THSD4: variants seen among roughly 807,000 people sequenced by gnomAD.
THSD4 encodes the protein thrombospondin type 1 domain containing 4.
Under a neutral mutation model 119.0 loss-of-function variants are expected in THSD4, and 69 were observed. The ratio of observed to expected loss-of-function variants is 0.58; its 90% CI spans 0.48 to 0.71. The LOEUF is 0.71. Ranked by LOEUF, THSD4 falls within the 30% of genes least tolerant of loss-of-function variation. The probability of loss-of-function intolerance (pLI) is 0.00; values close to 1 mark genes in which losing one functional copy is unlikely to be tolerated. For synonymous variants in THSD4, 524 were observed against 540.4 expected (o/e 0.97, Z 0.42); for missense variants, 1,393 against 1,391.1 (o/e 1.00, Z -0.02).
chr15:71,668,920 G>A (rs901991682), intron 8 of THSD4, among the ~76,000 whole-genome samples: 1 of 152,130 alleles, frequency 6.6e-6, no homozygotes, highest in Non-Finnish European at 1.5e-5. Flanking sequence ...GCAAATTCTT[G>A]GAGAAGAAAA....
At chr15:71,650,056 G>A (rs2051053592) in intron 7 of THSD4, among the ~76,000 whole-genome samples, 1 of 152,164 alleles carries the variant, frequency 6.6e-6, no homozygotes, top group Non-Finnish European at 1.5e-5. Context: ...ATGTCTCTGA[G>A]TCATCTAGAG....
chr15:71,672,352 G>C (rs1177373139), intron 8 of THSD4, among the ~76,000 whole-genome samples: 1 of 152,226 alleles, frequency 6.6e-6, no homozygotes, highest in African/African-American at 2.4e-5. Context: ...CTAAGACTTT[G>C]CTGAAGTTGT....
chr15:71,753,940 A>G (rs2053492907), intron 14 of THSD4, among the ~76,000 whole-genome samples: 1 of 152,200 alleles, frequency 6.6e-6, no homozygotes, highest in South Asian at 2.1e-4. Flanking sequence ...GGATGTGAAG[A>G]CACTTTCCCA....
chr15:71,406,006 C>T (rs550097732), intron 6 of THSD4, among the ~76,000 whole-genome samples: 4 of 152,086 alleles, frequency 2.6e-5, no homozygotes, highest in African/African-American at 7.2e-5. Context: ...ATGCTGGTCT[C>T]GAACTCCTGG....
intron 7 of THSD4, among the ~76,000 whole-genome samples, chr15:71,480,570 A>G (rs4609797): frequency 0.93 from 142,267 of 152,304 alleles, 67,099 homozygotes; most frequent in East Asian, 1. Context: ...AGTTTTCAGC[A>G]TGGCTGAGGT....
At chr15:71,457,184 C>T (rs1356088652) in intron 7 of THSD4, among the ~76,000 whole-genome samples, 2 of 151,990 alleles carry the variant, frequency 1.3e-5, no homozygotes, top group African/African-American at 2.4e-5. Context: ...GAGTTCAAGA[C>T]CAGCCTGGGC....
chr15:71,620,023 A>C (rs2050393045), intron 7 of THSD4, among the ~76,000 whole-genome samples: 1 of 152,188 alleles, frequency 6.6e-6, no homozygotes, highest in South Asian at 2.1e-4. Context: ...GAGAAGAAAA[A>C]TATAGGATGT....
intron 8 of THSD4, among the ~76,000 whole-genome samples, chr15:71,705,284 C>T (rs1446088806): frequency 1.3e-5 from 2 of 152,142 alleles, no homozygotes; most frequent in Admixed American, 1.3e-4. Flanking sequence ...CAGGCTGAGC[C>T]CTGTGTGTGG....
At chr15:71,763,226 A>AT (rs919199323) in intron 15 of THSD4, among the ~76,000 whole-genome samples, 75 of 149,338 alleles carry the variant, frequency 5.0e-4, no homozygotes, top group African/African-American at 1.6e-3. Flanking sequence ...GGGTTTTATA[A>AT]TTTTTTTTTT....
At chr15:71,770,970 G>C (rs2053812001) in intron 16 of THSD4, 94 bp from the exon 17 acceptor site, 8 of 1,526,038 alleles carry the variant, frequency 5.2e-6, no homozygotes, top group Non-Finnish European at 7.0e-6. Flanking sequence ...TCTCCTTTTG[G>C]AAATGTTTGA....
intron 7 of THSD4, among the ~76,000 whole-genome samples, chr15:71,533,207 A>AT (rs1405814053): frequency 2.6e-5 from 4 of 152,196 alleles, no homozygotes; most frequent in African/African-American, 9.7e-5. Context: ...ACTCCTTCTT[A>AT]TTACGTAAGT....
chr15:71,389,008 TTC>T (rs2046333492), intron 6 of THSD4, among the ~76,000 whole-genome samples: 1 of 152,118 alleles, frequency 6.6e-6, no homozygotes, highest in African/African-American at 2.4e-5. Flanking sequence ...TTGGTTCTCA[TTC>T]TCTCTCTTGC....
chr15:71,744,522 CT>C (rs1000190015), intron 11 of THSD4, among the ~76,000 whole-genome samples: 3 of 152,146 alleles, frequency 2.0e-5, no homozygotes, highest in African/African-American at 7.2e-5. Context: ...TTTCTTGAAT[CT>C]TCTACTTCTG....
At chr15:71,618,438 A>G (rs1235188835) in intron 7 of THSD4, among the ~76,000 whole-genome samples, 1 of 152,256 alleles carries the variant, frequency 6.6e-6, no homozygotes, top group Non-Finnish European at 1.5e-5. Flanking sequence ...GCAAGCTACT[A>G]AAGTTATGTT....
chr15:71,376,663 C>G (rs1204576895), intron 6 of THSD4, among the ~76,000 whole-genome samples: 1 of 152,206 alleles, frequency 6.6e-6, no homozygotes, highest in East Asian at 1.9e-4. Flanking sequence ...CTCCTAGTCT[C>G]TGCTGTCTCC....
chr15:71,272,037 T>C (rs2140304476), intron 6 of THSD4, among the ~76,000 whole-genome samples: 1 of 152,206 alleles, frequency 6.6e-6, no homozygotes, highest in African/African-American at 2.4e-5. Context: ...AAATCATACG[T>C]CAGATCAGGG....
intron 7 of THSD4, among the ~76,000 whole-genome samples, chr15:71,540,533 A>T (rs1254997910): frequency 7.0e-6 from 1 of 141,928 alleles, no homozygotes; most frequent in Non-Finnish European, 1.5e-5. Flanking sequence ...GGTTCAAGTG[A>T]TTCTCTTGTC....
At chr15:71,344,139 C>T (rs547639171) in intron 6 of THSD4, among the ~76,000 whole-genome samples, 1 of 151,074 alleles carries the variant, frequency 6.6e-6, no homozygotes, top group Non-Finnish European at 1.5e-5. Context: ...CCCAGGTTCA[C>T]GCCATTCTCC....
At chr15:71,775,021 A>G (rs922441407) in intron 17 of THSD4, among the ~76,000 whole-genome samples, 1 of 151,872 alleles carries the variant, frequency 6.6e-6, no homozygotes, top group Non-Finnish European at 1.5e-5. Flanking sequence ...TGGCACGTGC[A>G]TGTAGTCCCA....
Sources: allele counts gnomAD v4.1 joint callset (sites outside exome capture counted in the v4.1 genomes callset), GRCh38; gene constraint gnomAD v4.1.1; transcripts MANE v1.5; gene names NCBI Gene and HGNC (gene_info 2026-07-23, HGNC 2026-07-21).